DNAL4: variants seen among roughly 807,000 people sequenced by gnomAD.
DNAL4 encodes the protein dynein axonemal light chain 4, also known as dynein light chain, outer arm 4.
A neutral mutation model predicts 12.6 loss-of-function variants in DNAL4; 10 were observed. The ratio of observed to expected loss-of-function variants is 0.79; its 90% CI spans 0.49 to 1.34. The LOEUF is 1.34. DNAL4 is among the 40% of genes most tolerant of loss of function. The pLI is 0.00. For synonymous variants in DNAL4, 46 were observed against 53.1 expected (o/e 0.87, Z 0.58); for missense variants, 128 against 138.1 (o/e 0.93, Z 0.37).
chr22:38,783,009 C>T, intron 1 of DNAL4, 139 bp from the exon 2 acceptor site: 1 of 340,478 alleles, frequency 2.9e-6, no homozygotes, highest in Non-Finnish European at 5.3e-6. Flanking sequence ...AGCAAGTCTG[C>T]AGACGGCAGG....
At chr22:38,793,772 G>A (rs1453979010) in intron 1 of DNAL4, among the ~76,000 whole-genome samples, 1 of 152,184 alleles carries the variant, frequency 6.6e-6, no homozygotes, top group Non-Finnish European at 1.5e-5. Context: ...AAGGTGCTGG[G>A]GGAAGTCGGC....
chr22:38,781,837 C>G (rs1029284460), intron 2 of DNAL4, among the ~76,000 whole-genome samples: 90 of 152,210 alleles, frequency 5.9e-4, no homozygotes, highest in African/African-American at 2.0e-3. Context: ...CCGACCGCAT[C>G]TCGCACTCTA....
intron 1 of DNAL4, among the ~76,000 whole-genome samples, chr22:38,788,493 G>T (rs186272320): frequency 4.6e-5 from 7 of 152,102 alleles, no homozygotes; most frequent in Admixed American, 4.6e-4. Context: ...GAGGAGGGAG[G>T]GAGAGAAGAG....
Position 38,779,503 on chromosome 22 carries a change from G to A in DNAL4, c.264C>T (p.Leu88=). The A allele has an allele frequency of 6.3e-7, 1 of 1,582,314 alleles. No homozygotes were observed. Among genetic ancestry groups the A allele is most frequent in the Middle Eastern group, 1.7e-4 (1 of 5,974 alleles). ...GFEITHEVKN[L]LYLYFGGTLA... ...GGGTGCCCCCGAAGTACAGGTAGAGGAGGTTCTTCACCTCGTGGGTGATCT... is the reference window on the plus strand; with the variant it reads ...GGGTGCCCCCGAAGTACAGGTAGAGAAGGTTCTTCACCTCGTGGGTGATCT... The change falls in exon 4 of 4, where the codon CTC becomes CTT. Residue 88 remains leucine, a synonymous_variant. Transcript: ENST00000216068. This position sits in a 1 kb window ranked among gnomAD's most constrained non-coding sequence, Gnocchi z 4.3.
intron 2 of DNAL4, among the ~76,000 whole-genome samples, chr22:38,781,223 T>A (rs560158006): frequency 1.3e-5 from 2 of 152,194 alleles, no homozygotes; most frequent in Non-Finnish European, 2.9e-5. Flanking sequence ...GCCCAGGCTC[T>A]CTGCAAGGGC....
chr22:38,783,333 CACGCGGGCCTTCCCTCCCACTACAT>C (rs1371691091), intron 1 of DNAL4, among the ~76,000 whole-genome samples: 11 of 145,086 alleles, frequency 7.6e-5, no homozygotes, highest in African/African-American at 1.3e-4. Flanking sequence ...TCCCACTACA[CACGCGGGCCTTCCCTCCCACTACAT>C]ACGCGGGCCT....
At chr22:38,790,689 T>C (rs1384084637) in intron 1 of DNAL4, among the ~76,000 whole-genome samples, 1 of 152,174 alleles carries the variant, frequency 6.6e-6, no homozygotes, top group Non-Finnish European at 1.5e-5. Flanking sequence ...TGAGAATCGT[T>C]AGGCGATTTT....
rs2093031754 is a variant in DNAL4 at position 38,779,941 on chromosome 22, C to T, written c.154-328G>A. On this transcript the variant is annotated intron_variant, in intron 3 of 3. Transcript: ENST00000216068. The surrounding 1 kb of genome is among the most constrained non-coding windows in gnomAD (Gnocchi z 4.3). ...GGCTTCCTGGGCCAGTGCCACCTCC[C>T]TCAGATGTAACCTGGACAAGCGGGG... Among the ~76,000 whole-genome samples, 1 of 152,182 alleles carries T rather than the reference C, an allele frequency of 6.6e-6. No individual in the cohort carries two copies. The highest frequency in any genetic ancestry group is 1.5e-5 in the Non-Finnish European group (1 of 68,004).
chr22:38,787,864 A>G (rs1043799721), intron 1 of DNAL4, among the ~76,000 whole-genome samples: 1 of 152,160 alleles, frequency 6.6e-6, no homozygotes, highest in African/African-American at 2.4e-5. Context: ...CTATTCTCAG[A>G]CAAGTCACTG....
chr22:38,783,715 C>G (rs1024371854), intron 1 of DNAL4, among the ~76,000 whole-genome samples: 3 of 152,210 alleles, frequency 2.0e-5, no homozygotes, highest in Non-Finnish European at 4.4e-5. Flanking sequence ...GCCCTGGGCC[C>G]CAGACTCCTC....
chr22:38,780,774 C>T, intron 3 of DNAL4, 152 bp downstream of exon 3: 1 of 741,956 alleles, frequency 1.3e-6, no homozygotes, highest in Non-Finnish European at 2.2e-6. Context: ...GCCTCTCACT[C>T]ACTGACTTTC....
chr22:38,780,830 G>A, intron 3 of DNAL4, 96 bp downstream of exon 3: 1 of 1,252,408 alleles, frequency 8.0e-7, no homozygotes, highest in Non-Finnish European at 1.2e-6. Context: ...CATCCTAGCA[G>A]TACTGTCTGG....
At chr22:38,788,390 G>A (rs945074194) in intron 1 of DNAL4, among the ~76,000 whole-genome samples, 9 of 152,178 alleles carry the variant, frequency 5.9e-5, no homozygotes, top group African/African-American at 2.2e-4. Flanking sequence ...AACACACGAA[G>A]TTGTTTTTAC....
intron 2 of DNAL4, among the ~76,000 whole-genome samples, chr22:38,781,783 G>A (rs1456356533): frequency 2.6e-5 from 4 of 152,026 alleles, no homozygotes; most frequent in Non-Finnish European, 5.9e-5. Context: ...TCTCCAATTT[G>A]GCAGCAGGTC....
intron 1 of DNAL4, among the ~76,000 whole-genome samples, chr22:38,783,522 GC>G: frequency 6.6e-6 from 1 of 152,348 alleles, no homozygotes; most frequent in Middle Eastern, 3.4e-3. Context: ...AAGCAAGGGG[GC>G]CCCTCTGCAG....
rs1275449020 is a variant in DNAL4 at position 38,782,529 on chromosome 22, ATGTCTAGGTCTGAGCCAGCAGAGCCCTTC to A, written c.69+105_69+133del. The A allele has an allele frequency of 1.3e-5, 10 of 793,092 alleles. No individual in the cohort carries two copies. Among genetic ancestry groups the A allele is most frequent in the Non-Finnish European group, 2.0e-5 (10 of 492,232 alleles). 49.1% of individuals were successfully genotyped at this position (793,092 alleles called of 1,614,324 possible). A position where few individuals can be genotyped will look rare whatever the true frequency, so the allele number is the denominator to read the frequency against. Reference sequence around the variant, plus strand: ...ACAATGAATCACTGTCAACTCCAAGATGTCTAGGTCTGAGCCAGCAGAGCCCTTCTTAACTTCCTCCCACTGCCATCCTG... The same window carrying A: ...ACAATGAATCACTGTCAACTCCAAGATTAACTTCCTCCCACTGCCATCCTG... On this transcript the variant is annotated intron_variant, in intron 2 of 3. Coordinates refer to ENST00000216068, the MANE Select transcript of DNAL4 (RefSeq NM_005740.3). This position sits in a 1 kb window ranked among gnomAD's most constrained non-coding sequence, Gnocchi z 5.1.
At chr22:38,781,585 G>A (rs2093034513) in intron 2 of DNAL4, among the ~76,000 whole-genome samples, 1 of 152,046 alleles carries the variant, frequency 6.6e-6, no homozygotes. Flanking sequence ...CCTCTTCTTT[G>A]GGCTCCTGAC....
chr22:38,779,734 A>T lies in DNAL4; in HGVS notation c.154-121T>A. 7.8e-7 allele frequency: 1 copy of T among 1,282,278 alleles called. No homozygotes were observed. Among genetic ancestry groups the T allele is most frequent in the Non-Finnish European group, 1.1e-6 (1 of 947,098 alleles). 79.4% of individuals were successfully genotyped at this position (1,282,278 alleles called of 1,614,324 possible). A position where few individuals can be genotyped will look rare whatever the true frequency, so the allele number is the denominator to read the frequency against. On this transcript the variant is annotated intron_variant, in intron 3 of 3. Transcript: ENST00000216068. This position sits in a 1 kb window ranked among gnomAD's most constrained non-coding sequence, Gnocchi z 4.3. ...TGGCAAGAGAAAGGCCTGCTGTCCT[A>T]TTTCTCTTGTCCTCCTGCTTCAAAA...
intron 2 of DNAL4, among the ~76,000 whole-genome samples, chr22:38,781,756 C>A (rs1389926291): frequency 4.6e-5 from 7 of 152,206 alleles, no homozygotes; most frequent in African/African-American, 1.7e-4. Flanking sequence ...CCTGGACTCT[C>A]TTGCTCCCAT....
Sources: gnomAD v4.1 joint callset for allele counts (sites outside exome capture counted in the v4.1 genomes callset) on GRCh38, gnomAD v4.1.1 for gene constraint, Gnocchi (gnomAD v3.1) non-coding constraint, MANE v1.5 for transcripts, NCBI Gene and HGNC (gene_info 2026-07-23, HGNC 2026-07-21) for gene names.